Variants in DCC observed in about 807,000 individuals in gnomAD.
DCC encodes netrin receptor DCC.
Under a neutral mutation model 172.5 loss-of-function variants are expected in DCC, and 58 were observed. The ratio of observed to expected loss-of-function variants is 0.34; its 90% CI spans 0.27 to 0.42. DCC has a LOEUF of 0.42. DCC is among the 10% of genes least tolerant of loss of function. The probability of loss-of-function intolerance (pLI) is 1.00; values close to 1 mark genes in which losing one functional copy is unlikely to be tolerated. For synonymous variants in DCC, 709 were observed against 644.5 expected, an observed-to-expected ratio of 1.10 and a Z score of -1.52; for missense variants, 1,740 against 1,791.0, an observed-to-expected ratio of 0.97 and a Z score of 0.51.
intron 8 of DCC, among the ~76,000 whole-genome samples, chr18:53,178,744 T>C (rs780672467): frequency 2.0e-5 from 3 of 152,130 alleles, no homozygotes; most frequent in Non-Finnish European, 4.4e-5. Flanking sequence ...AATGACATAA[T>C]CTTAAACTCC....
chr18:53,104,408 G>A (rs2043215748), intron 7 of DCC, among the ~76,000 whole-genome samples: 1 of 151,982 alleles, frequency 6.6e-6, no homozygotes, highest in South Asian at 2.1e-4. Flanking sequence ...GAGTTTCCCT[G>A]CACAAGCTCT....
intron 15 of DCC, among the ~76,000 whole-genome samples, chr18:53,353,323 A>AT (rs1300847572): frequency 2.6e-5 from 4 of 151,810 alleles, no homozygotes; most frequent in Admixed American, 6.6e-5. Flanking sequence ...AGCCAATTCT[A>AT]TTTTTTTAAA....
intron 9 of DCC, among the ~76,000 whole-genome samples, chr18:53,182,100 T>C (rs952905740): frequency 6.6e-6 from 1 of 152,208 alleles, no homozygotes; most frequent in African/African-American, 2.4e-5. Flanking sequence ...TGCTTAACAA[T>C]TAGCGTAAAT....
chr18:52,567,971 G>C (rs1317977113), intron 1 of DCC, among the ~76,000 whole-genome samples: 1 of 152,108 alleles, frequency 6.6e-6, no homozygotes, highest in Non-Finnish European at 1.5e-5. Context: ...CAAAACTGAT[G>C]AAATCTGACT....
chr18:52,648,096 G>A (rs2035053979), intron 1 of DCC, among the ~76,000 whole-genome samples: 1 of 152,204 alleles, frequency 6.6e-6, no homozygotes, highest in Non-Finnish European at 1.5e-5. Flanking sequence ...AAATATGTGA[G>A]AAGTTTAAAA....
chr18:53,451,997 T>A (rs2045420949), intron 23 of DCC, among the ~76,000 whole-genome samples: 1 of 152,208 alleles, frequency 6.6e-6, no homozygotes, highest in South Asian at 2.1e-4. Flanking sequence ...CCATTGTGCC[T>A]AAGCAAGAAA....
intron 2 of DCC, among the ~76,000 whole-genome samples, chr18:52,894,071 CT>C (rs2039692313): frequency 6.6e-6 from 1 of 152,064 alleles, no homozygotes; most frequent in African/African-American, 2.4e-5. Flanking sequence ...CTAGAATGTC[CT>C]TTTGTATCTT....
intron 2 of DCC, among the ~76,000 whole-genome samples, chr18:52,842,144 C>CTT (rs2038817729): frequency 6.6e-6 from 1 of 152,002 alleles, no homozygotes; most frequent in Non-Finnish European, 1.5e-5. Context: ...CTGTTAATGC[C>CTT]TTAAATACCA....
chr18:52,554,411 A>G (rs1335891386), intron 1 of DCC, among the ~76,000 whole-genome samples: 3 of 152,066 alleles, frequency 2.0e-5, no homozygotes, highest in Non-Finnish European at 4.4e-5. Context: ...CCAGCTTCCA[A>G]CTGATATTGA....
At chr18:52,526,885 A>G (rs1145269) in intron 1 of DCC, among the ~76,000 whole-genome samples, 47,238 of 151,994 alleles carry the variant, frequency 0.31, 7,485 homozygotes, top group African/African-American at 0.35. Flanking sequence ...CTCTGTATTA[A>G]TCTCATGGGT....
chr18:52,964,831 G>A (rs2040902881), intron 5 of DCC, among the ~76,000 whole-genome samples: 1 of 152,186 alleles, frequency 6.6e-6, no homozygotes, highest in Admixed American at 6.5e-5. Flanking sequence ...CGTTGGCAAG[G>A]CTGCAGTCTT....
chr18:52,813,369 T>A (rs1235879981), intron 2 of DCC, among the ~76,000 whole-genome samples: 1 of 152,026 alleles, frequency 6.6e-6, no homozygotes, highest in African/African-American at 2.4e-5. Context: ...AAGATGGTAG[T>A]TTTTAGGGAG....
chr18:53,432,240 A>G (rs1911664855), intron 21 of DCC, among the ~76,000 whole-genome samples: 2 of 152,152 alleles, frequency 1.3e-5, no homozygotes. Flanking sequence ...AATATTAAGA[A>G]CCATCTGCAG....
At chr18:53,253,782 A>G (rs923467427) in intron 12 of DCC, among the ~76,000 whole-genome samples, 1 of 152,090 alleles carries the variant, frequency 6.6e-6, no homozygotes, top group Non-Finnish European at 1.5e-5. Context: ...TTAAGGAGTT[A>G]GATTGAAACT....
chr18:52,831,070 C>T (rs727514), intron 2 of DCC, among the ~76,000 whole-genome samples: 101,122 of 151,900 alleles, frequency 0.67, 36,537 homozygotes, highest in Admixed American at 0.81. Flanking sequence ...TAAATAAGAC[C>T]TTAAGGAGGT....
intron 2 of DCC, among the ~76,000 whole-genome samples, chr18:52,806,272 C>T (rs1271700600): frequency 6.6e-6 from 1 of 152,218 alleles, no homozygotes. Context: ...CTCCCGTCAA[C>T]ATCCCATGCT....
intron 2 of DCC, among the ~76,000 whole-genome samples, chr18:52,901,000 A>G (rs2039801653): frequency 6.6e-6 from 1 of 152,246 alleles, no homozygotes; most frequent in Non-Finnish European, 1.5e-5. Context: ...AAGTGTATTG[A>G]GTACAGTACT....
chr18:53,390,140 G>C (rs1212333295), intron 16 of DCC, among the ~76,000 whole-genome samples: 2 of 152,008 alleles, frequency 1.3e-5, no homozygotes, highest in Admixed American at 1.3e-4. Flanking sequence ...CCCCTTCATC[G>C]TTTTATAAAT....
chr18:53,009,832 C>T (rs1237464862), intron 5 of DCC, among the ~76,000 whole-genome samples: 1 of 151,884 alleles, frequency 6.6e-6, no homozygotes, highest in Non-Finnish European at 1.5e-5. Flanking sequence ...CAGGCTAACT[C>T]AATTGGAAAA....
Sources: allele counts gnomAD v4.1 joint callset (sites outside exome capture counted in the v4.1 genomes callset), GRCh38; gene constraint gnomAD v4.1.1; transcripts MANE v1.5; gene names NCBI Gene and HGNC (gene_info 2026-07-23, HGNC 2026-07-21).